The following FRRS1 variants were observed in gnomAD, a reference collection of about 807,000 sequenced individuals.
FRRS1 encodes the protein ferric reductase 1.
A neutral mutation model predicts 70.7 loss-of-function variants in FRRS1; 51 were observed. The ratio of observed to expected loss-of-function variants is 0.72; its 90% confidence interval spans 0.58 to 0.91. The LOEUF (loss-of-function observed/expected upper bound fraction) is 0.91, where lower values mean the gene tolerates loss of function less well. Ranked by LOEUF, FRRS1 falls within the 40% of genes least tolerant of loss-of-function variation. FRRS1 has a pLI of 0.00. For missense variants in FRRS1, 672 were observed against 726.0 expected, an observed-to-expected ratio of 0.93 and a Z score of 0.86; for synonymous variants, 225 against 238.7, an observed-to-expected ratio of 0.94 and a Z score of 0.53.
chr1:99,716,842 A>T (rs1004741818), intron 11 of FRRS1, among the ~76,000 whole-genome samples: 2 of 152,170 alleles, frequency 1.3e-5, no homozygotes, highest in African/African-American at 4.8e-5. Context: ...CTCTTGCTAT[A>T]TTCCTTTTAG....
intron 6 of FRRS1, among the ~76,000 whole-genome samples, chr1:99,739,334 AT>A (rs1655840558): frequency 1.3e-5 from 2 of 152,234 alleles, no homozygotes; most frequent in African/African-American, 4.8e-5. Flanking sequence ...TTGATTGAAT[AT>A]ACGGAAAGAC....
rs1246019576 is a variant in FRRS1, at chr1:99,719,385, G to C, written c.1120+149C>G. 11 of 515,058 alleles carry C rather than the reference G, an allele frequency of 2.1e-5. No homozygotes were observed. In the East Asian group the frequency reaches 4.1e-4, roughly 19 times the overall value. The allele number at this position is 515,058 out of a possible 1,614,324, so 31.9% of individuals were successfully genotyped here. A position where few individuals can be genotyped will look rare whatever the true frequency, so the allele number is the denominator to read the frequency against. On this transcript the variant is annotated intron_variant, in intron 10 of 16. Transcript: ENST00000646001. Reference sequence around the variant, plus strand: ...GATCGTGCCACTGCACTCCAGCCTGGTGACAGAGCGAGACTCCATCTCAAA... The same window carrying C: ...GATCGTGCCACTGCACTCCAGCCTGCTGACAGAGCGAGACTCCATCTCAAA...
intron 8 of FRRS1, 53 bp from the exon 9 acceptor site, chr1:99,728,693 A>G: frequency 6.6e-7 from 1 of 1,519,906 alleles, no homozygotes; most frequent in Non-Finnish European, 9.1e-7. Context: ...TTTGCTAAAA[A>G]TAAGATATGA....
chr1:99,766,607 C>G lies in FRRS1; in HGVS notation c.-106G>C, dbSNP rs1294970149. ...TTAAGGAAAAAGACGTGACACTTACCTTGAGAAGCGAAGGCAGCCTAACCA... is the reference window on the plus strand; with the variant it reads ...TTAAGGAAAAAGACGTGACACTTACGTTGAGAAGCGAAGGCAGCCTAACCA... On this transcript the variant is annotated splice_region_variant and 5_prime_UTR_variant, in exon 1 of 17. Coordinates refer to ENST00000646001, the MANE Select transcript of FRRS1 (RefSeq NM_001361041.2). 1 of 152,194 alleles carries G rather than the reference C, an allele frequency of 6.6e-6. No homozygotes were observed. The highest frequency in any genetic ancestry group is 1.5e-5 in the Non-Finnish European group (1 of 68,028). 9.4% of individuals were successfully genotyped at this position (152,194 alleles called of 1,614,324 possible). A position where few individuals can be genotyped will look rare whatever the true frequency, so the allele number is the denominator to read the frequency against.
At chr1:99,745,299 C>G (rs1016545141) in intron 4 of FRRS1, among the ~76,000 whole-genome samples, 5 of 152,130 alleles carry the variant, frequency 3.3e-5, no homozygotes, top group Admixed American at 2.0e-4. Flanking sequence ...TACAAGAAGT[C>G]CTGGACAATA....
rs370326756 is a variant in FRRS1 at position 99,715,781 on chromosome 1, A to T, written c.1237-109T>A. On this transcript the variant is annotated intron_variant, in intron 11 of 16. Transcript: ENST00000646001. ...CTATGGGGTAAGATTCACTGAAGGC[A>T]TGCATTCAACTGACATCTAATCACA... The T allele has an allele frequency of 3.6e-4, 246 of 687,118 alleles. 2 individuals carry two copies. In the South Asian group the frequency reaches 4.1e-3, roughly 11 times the overall value. The allele number at this position is 687,118 out of a possible 1,614,324, so 42.6% of individuals were successfully genotyped here.
rs1029007948 is a variant in FRRS1 at position 99,728,702 on chromosome 1, G to C, written c.859-62C>G. 5.5e-6 allele frequency: 8 copies of C among 1,465,600 alleles called. No individual in the cohort carries two copies. In the African/African-American group the frequency reaches 9.7e-5, roughly 18 times the overall value. 90.8% of individuals were successfully genotyped at this position (1,465,600 alleles called of 1,614,324 possible). A position where few individuals can be genotyped will look rare whatever the true frequency, so the allele number is the denominator to read the frequency against. On this transcript the variant is annotated intron_variant, in intron 8 of 16. Transcript: ENST00000646001. ...CAAAGATTTGCTAAAAATAAGATAT[G>C]ATCAAAATCCTGCCCTGTTCAGTTT...
intron 7 of FRRS1, among the ~76,000 whole-genome samples, chr1:99,736,510 A>C (rs1655663920): frequency 1.3e-5 from 2 of 151,876 alleles, no homozygotes; most frequent in Admixed American, 1.3e-4. Flanking sequence ...TCAGCAAACT[A>C]TCGCAAGGAC....
chr1:99,723,364 A>C (rs1315989930), intron 9 of FRRS1, among the ~76,000 whole-genome samples: 2 of 152,118 alleles, frequency 1.3e-5, no homozygotes, highest in Non-Finnish European at 2.9e-5. Flanking sequence ...AAAAATACAA[A>C]AAATTAGCTG....
At chr1:99,713,064 A>T (rs1158164897) in intron 12 of FRRS1, among the ~76,000 whole-genome samples, 1 of 130,996 alleles carries the variant, frequency 7.6e-6, no homozygotes, top group Non-Finnish European at 1.5e-5. Context: ...TCTATCTAAT[A>T]AAAAATAAAA....
At chr1:99,740,560 T>C (rs1176724357) in intron 6 of FRRS1, among the ~76,000 whole-genome samples, 1 of 152,228 alleles carries the variant, frequency 6.6e-6, no homozygotes, top group East Asian at 1.9e-4. Context: ...TTTGTTTACC[T>C]TCTCTTCTGT....
intron 6 of FRRS1, among the ~76,000 whole-genome samples, chr1:99,738,878 G>A (rs1330063039): frequency 2.0e-5 from 3 of 152,042 alleles, no homozygotes; most frequent in Admixed American, 6.6e-5. Flanking sequence ...AGCAACAATC[G>A]GATGACTTAA....
intron 1 of FRRS1, among the ~76,000 whole-genome samples, chr1:99,749,687 G>A (rs191213466): frequency 6.6e-6 from 1 of 152,288 alleles, no homozygotes; most frequent in Admixed American, 6.5e-5. Flanking sequence ...AAACACAATT[G>A]TCAGCCCACA....
chr1:99,758,370 T>G (rs965207765), intron 1 of FRRS1, among the ~76,000 whole-genome samples: 1 of 152,202 alleles, frequency 6.6e-6, no homozygotes, highest in South Asian at 2.1e-4. Context: ...TAGAAACTAA[T>G]CTGGTGTTGC....
intron 12 of FRRS1, 29 bp from the exon 13 acceptor site, chr1:99,712,544 C>A: frequency 8.4e-7 from 1 of 1,188,362 alleles, no homozygotes; most frequent in Non-Finnish European, 1.2e-6. Flanking sequence ...TTTTAATGGC[C>A]TCAATCTCTC....
Position 99,729,700 on chromosome 1 carries a change from T to G in FRRS1, c.808A>C (p.Ile270Leu). The change falls in exon 8 of 17, where the codon ATC (isoleucine) becomes CTC (leucine). Residue 270 changes from isoleucine (I) to leucine (L), a missense_variant. Transcript: ENST00000646001. ...CGCCCCGTTAAATGGGAAGGCTGGA[T>G]GTACACAGTCTGATCTTCATGAATA... Reference protein sequence around the residue: ...LCIHEDQTVYIQPSHLTGRSH... With the variant: ...LCIHEDQTVYLQPSHLTGRSH... 6.2e-7 allele frequency: 1 copy of G among 1,613,744 alleles called. No individual in the cohort carries two copies. Among genetic ancestry groups the G allele is most frequent in the Non-Finnish European group, 8.5e-7 (1 of 1,179,676 alleles).
intron 1 of FRRS1, among the ~76,000 whole-genome samples, chr1:99,755,279 A>T (rs370419798): frequency 7.1e-6 from 1 of 140,518 alleles, no homozygotes; most frequent in South Asian, 2.3e-4. Context: ...AAAAAAAATT[A>T]GCCAGGCACA....
At position 99,706,417 on chromosome 1, in the gene FRRS1, A is replaced by AG. The variant is rs1437837318; in HGVS notation, c.*2610_*2611insC. ...GAGTAAGACCCTGTCTCAAAAAAAA[A>AG]AAAAAAAGATTAAATGCAAAGGCTT... On this transcript the variant is annotated 3_prime_UTR_variant, in exon 17 of 17. Coordinates refer to ENST00000646001, the MANE Select transcript of FRRS1 (RefSeq NM_001361041.2). Among the ~76,000 whole-genome samples the AG allele has an allele frequency of 6.6e-6, 1 of 151,940 alleles. No homozygotes were observed. The highest frequency in any genetic ancestry group is 1.9e-4 in the East Asian group (1 of 5,180).
intron 9 of FRRS1, among the ~76,000 whole-genome samples, chr1:99,720,135 A>G (rs1654742666): frequency 6.6e-6 from 1 of 152,238 alleles, no homozygotes; most frequent in Non-Finnish European, 1.5e-5. Context: ...GCATTTTATG[A>G]TACATTATTT....
Sources: gnomAD v4.1 joint callset for allele counts (sites outside exome capture counted in the v4.1 genomes callset) on GRCh38, gnomAD v4.1.1 for gene constraint, MANE v1.5 for transcripts, NCBI Gene and HGNC (gene_info 2026-07-23, HGNC 2026-07-21) for gene names.